Variants in ENOX1 observed in about 807,000 individuals in gnomAD.
ENOX1 encodes the protein ecto-NOX disulfide-thiol exchanger 1, also known as candidate growth-related and time keeping constitutive hydroquinone (NADH) oxidase.
ENOX1 carries 42 observed loss-of-function variants against 82.5 expected under a neutral mutation model. That is an observed-to-expected ratio of 0.51 (90% CI 0.40 to 0.66). The LOEUF (loss-of-function observed/expected upper bound fraction) is 0.66, where lower values mean the gene tolerates loss of function less well. ENOX1 is among the 30% of genes least tolerant of loss of function. The pLI, the probability that ENOX1 is intolerant of heterozygous loss-of-function variation, is 0.00. For synonymous variants in ENOX1, 271 were observed against 282.2 expected (o/e 0.96, Z 0.40); for missense variants, 608 against 811.6 (o/e 0.75, Z 3.05).
At chr13:43,503,311 C>G (rs977670112) in intron 2 of ENOX1, among the ~76,000 whole-genome samples, 1 of 151,564 alleles carries the variant, frequency 6.6e-6, no homozygotes, top group Non-Finnish European at 1.5e-5. Flanking sequence ...TCACACTATC[C>G]AAAGCAATCT....
intron 1 of ENOX1, among the ~76,000 whole-genome samples, chr13:43,740,334 C>T (rs1189884151): frequency 6.7e-6 from 1 of 149,680 alleles, no homozygotes; most frequent in East Asian, 1.9e-4. Context: ...AAAGAAGTGA[C>T]CTCAACCAAT....
At chr13:43,285,175 T>C (rs1167197614) in intron 12 of ENOX1, among the ~76,000 whole-genome samples, 3 of 152,218 alleles carry the variant, frequency 2.0e-5, no homozygotes, top group Non-Finnish European at 4.4e-5. Context: ...AGTCTTTAAC[T>C]AACCATCTAA....
intron 3 of ENOX1, among the ~76,000 whole-genome samples, chr13:43,440,517 CA>C (rs151166250): frequency 0.028 from 4,308 of 152,002 alleles, 93 homozygotes; most frequent in South Asian, 0.07. Context: ...GTTTTTTTAA[CA>C]AAAAAATTAT....
chr13:43,621,002 C>G (rs767717402), intron 2 of ENOX1, among the ~76,000 whole-genome samples: 52 of 152,144 alleles, frequency 3.4e-4, no homozygotes, highest in Non-Finnish European at 6.0e-4. Flanking sequence ...TATATAACAT[C>G]TCTGTCTCTT....
At chr13:43,739,573 A>G (rs2089799421) in intron 1 of ENOX1, among the ~76,000 whole-genome samples, 1 of 149,520 alleles carries the variant, frequency 6.7e-6, no homozygotes, top group Admixed American at 6.7e-5. Flanking sequence ...TATTATTATT[A>G]TATAATAAAT....
intron 3 of ENOX1, among the ~76,000 whole-genome samples, chr13:43,465,068 G>T (rs1322226666): frequency 1.3e-5 from 2 of 152,098 alleles, no homozygotes; most frequent in Non-Finnish European, 2.9e-5. Flanking sequence ...GATTTATCAT[G>T]GTGATGTTAA....
chr13:43,675,639 C>G (rs2085473899), intron 1 of ENOX1, among the ~76,000 whole-genome samples: 1 of 152,086 alleles, frequency 6.6e-6, no homozygotes, highest in Non-Finnish European at 1.5e-5. Flanking sequence ...TTATTGTTGT[C>G]CCAATTAACA....
chr13:43,278,931 T>C (rs2045221424), intron 12 of ENOX1, among the ~76,000 whole-genome samples: 1 of 152,204 alleles, frequency 6.6e-6, no homozygotes, highest in African/African-American at 2.4e-5. Flanking sequence ...TTCCATTTTA[T>C]GATAATTAAT....
At chr13:43,381,456 AT>A (rs2052033555) in intron 5 of ENOX1, among the ~76,000 whole-genome samples, 2 of 137,868 alleles carry the variant, frequency 1.5e-5, no homozygotes, top group South Asian at 4.8e-4. Flanking sequence ...ATCAATGACC[AT>A]GGCTTCTATC....
intron 2 of ENOX1, among the ~76,000 whole-genome samples, chr13:43,615,714 G>T (rs1253102725): frequency 6.6e-6 from 1 of 151,896 alleles, no homozygotes; most frequent in African/African-American, 2.4e-5. Flanking sequence ...TATGCATCAG[G>T]CATTTCTCCT....
chr13:43,523,141 G>T (rs953782945), intron 2 of ENOX1, among the ~76,000 whole-genome samples: 1 of 152,144 alleles, frequency 6.6e-6, no homozygotes, highest in African/African-American at 2.4e-5. Context: ...TCCTTTCAAA[G>T]ATATCTACTT....
rs536733062 is a variant in ENOX1, at chr13:43,690,374, G to C, written c.-284-22830C>G. Among the ~76,000 whole-genome samples, 24 of 151,800 alleles carry C rather than the reference G, an allele frequency of 1.6e-4. 1 individual carries two copies. In the South Asian group the frequency reaches 2.5e-3, roughly 16 times the overall value. ...CCAGCATAAATTATTAGTGTACTCA[G>C]CTTGACCAAGTGACTATTTATAAGT... On this transcript the variant is annotated intron_variant, in intron 1 of 16. Transcript: ENST00000690772.
At chr13:43,559,749 T>C (rs1007991423) in intron 2 of ENOX1, among the ~76,000 whole-genome samples, 1 of 152,172 alleles carries the variant, frequency 6.6e-6, no homozygotes, top group East Asian at 1.9e-4. Flanking sequence ...AAGATGTGTT[T>C]ATAATACAAC....
chr13:43,351,117 T>A (rs972837884), intron 8 of ENOX1, among the ~76,000 whole-genome samples: 1 of 152,192 alleles, frequency 6.6e-6, no homozygotes, highest in Non-Finnish European at 1.5e-5. Flanking sequence ...GATTTGGAAT[T>A]TCAGTATGGT....
At chr13:43,386,780 TC>T (rs1289867720) in intron 5 of ENOX1, among the ~76,000 whole-genome samples, 2 of 152,236 alleles carry the variant, frequency 1.3e-5, no homozygotes, top group African/African-American at 4.8e-5. Context: ...TAGAAATTTC[TC>T]CTTGGTTGTT....
intron 1 of ENOX1, among the ~76,000 whole-genome samples, chr13:43,713,008 C>T (rs2087841319): frequency 6.6e-6 from 1 of 152,226 alleles, no homozygotes; most frequent in African/African-American, 2.4e-5. Flanking sequence ...AAAGGGAATG[C>T]TTCCAGTTTT....
At chr13:43,585,378 A>T (rs2080930673) in intron 2 of ENOX1, among the ~76,000 whole-genome samples, 1 of 152,220 alleles carries the variant, frequency 6.6e-6, no homozygotes, top group African/African-American at 2.4e-5. Context: ...GTAAGATAAC[A>T]TATTTATATT....
intron 14 of ENOX1, among the ~76,000 whole-genome samples, chr13:43,252,750 T>C (rs992952755): frequency 2.0e-5 from 3 of 152,158 alleles, no homozygotes; most frequent in African/African-American, 7.2e-5. Flanking sequence ...TGCCCAGTTA[T>C]AGCTGGCTAC....
At chr13:43,591,447 C>T (rs1233494909) in intron 2 of ENOX1, among the ~76,000 whole-genome samples, 1 of 152,034 alleles carries the variant, frequency 6.6e-6, no homozygotes, top group Non-Finnish European at 1.5e-5. Context: ...CTACAGATCA[C>T]ACATGTAGAA....
Sources: allele counts gnomAD v4.1 joint callset (sites outside exome capture counted in the v4.1 genomes callset), GRCh38; gene constraint gnomAD v4.1.1; transcripts MANE v1.5; gene names NCBI Gene and HGNC (gene_info 2026-07-23, HGNC 2026-07-21).